TAFA4: variants seen among roughly 807,000 people sequenced by gnomAD.
TAFA4 encodes chemokine-like protein TAFA-4.
In TAFA4, 20 loss-of-function variants were observed where a neutral mutation model predicts 21.1. That is an observed-to-expected ratio of 0.95 (90% CI 0.67 to 1.38). The LOEUF is 1.38. TAFA4 is among the 40% of genes most tolerant of loss of function. The pLI is 0.00. For missense variants in TAFA4, 211 were observed against 180.9 expected (o/e 1.17, Z -0.95); for synonymous variants, 71 against 67.4 (o/e 1.05, Z -0.26).
intron 1 of TAFA4, among the ~76,000 whole-genome samples, chr3:68,919,400 G>A (rs923394628): frequency 6.6e-6 from 1 of 151,900 alleles, no homozygotes; most frequent in Non-Finnish European, 1.5e-5. Flanking sequence ...CAAGAGTCTC[G>A]AGCCCCTGAT....
intron 1 of TAFA4, among the ~76,000 whole-genome samples, chr3:68,898,859 A>C (rs901066935): frequency 1.3e-5 from 2 of 152,202 alleles, no homozygotes; most frequent in Non-Finnish European, 2.9e-5. Context: ...CAGGATTCCA[A>C]ACTAGGCTGG....
At chr3:68,854,531 G>A (rs1175613314) in intron 3 of TAFA4, among the ~76,000 whole-genome samples, 2 of 152,050 alleles carry the variant, frequency 1.3e-5, no homozygotes, top group East Asian at 3.9e-4. Flanking sequence ...GCTCCTTTCT[G>A]GGCAAGCACC....
At chr3:68,825,306 T>G (rs1704204194) in intron 3 of TAFA4, among the ~76,000 whole-genome samples, 1 of 152,242 alleles carries the variant, frequency 6.6e-6, no homozygotes, top group African/African-American at 2.4e-5. Flanking sequence ...GGACATGATC[T>G]CAGTCCTTTT....
At chr3:68,867,286 A>G (rs1188033158) in intron 3 of TAFA4, among the ~76,000 whole-genome samples, 2 of 152,096 alleles carry the variant, frequency 1.3e-5, no homozygotes, top group Non-Finnish European at 2.9e-5. Context: ...ACATATTCAA[A>G]CTGCTAAAGA....
intron 3 of TAFA4, among the ~76,000 whole-genome samples, chr3:68,845,634 C>A (rs1704770942): frequency 6.6e-6 from 1 of 152,126 alleles, no homozygotes; most frequent in South Asian, 2.1e-4. Flanking sequence ...TACAATTTGG[C>A]ATGTTTATGC....
intron 1 of TAFA4, among the ~76,000 whole-genome samples, chr3:68,905,919 G>C (rs1220308642): frequency 6.6e-6 from 1 of 152,150 alleles, no homozygotes; most frequent in East Asian, 1.9e-4. Flanking sequence ...TTGCTAAACT[G>C]CCATCCACGG....
chr3:68,775,180 C>G (rs1703026757), intron 3 of TAFA4, among the ~76,000 whole-genome samples: 1 of 152,142 alleles, frequency 6.6e-6, no homozygotes. Context: ...CTGGGAGCCT[C>G]TAACACAATA....
At chr3:68,869,630 A>T (rs2089460207) in intron 3 of TAFA4, among the ~76,000 whole-genome samples, 1 of 152,120 alleles carries the variant, frequency 6.6e-6, no homozygotes. Context: ...ATTTCCACAG[A>T]TGTTTTAAAA....
intron 3 of TAFA4, among the ~76,000 whole-genome samples, chr3:68,827,164 C>T (rs150300345): frequency 0.014 from 2,080 of 151,162 alleles, 18 homozygotes; most frequent in Non-Finnish European, 0.021. Context: ...TGATATTTTG[C>T]TGAGAATCAT....
At chr3:68,770,572 T>C (rs1407680354) in intron 3 of TAFA4, among the ~76,000 whole-genome samples, 1 of 152,032 alleles carries the variant, frequency 6.6e-6, no homozygotes, top group Non-Finnish European at 1.5e-5. Flanking sequence ...CCCCTAGAAA[T>C]ATACAAGGAA....
chr3:68,873,200 C>G (rs1376650566), intron 3 of TAFA4, among the ~76,000 whole-genome samples: 1 of 152,018 alleles, frequency 6.6e-6, no homozygotes, highest in East Asian at 1.9e-4. Context: ...AATTCCAGAT[C>G]AGTACAACAT....
intron 1 of TAFA4, among the ~76,000 whole-genome samples, chr3:68,892,778 G>A (rs555563686): frequency 9.2e-5 from 14 of 152,250 alleles, no homozygotes; most frequent in African/African-American, 2.6e-4. Flanking sequence ...GTCAAACCAC[G>A]CATTTCGTTA....
At chr3:68,931,733 C>A (rs2090160300) in intron 1 of TAFA4, among the ~76,000 whole-genome samples, 1 of 148,552 alleles carries the variant, frequency 6.7e-6, no homozygotes, top group Non-Finnish European at 1.5e-5. Flanking sequence ...CTCGCTGCGC[C>A]CTTCAAGCAA....
intron 4 of TAFA4, among the ~76,000 whole-genome samples, chr3:68,748,161 C>T (rs1354817400): frequency 6.6e-6 from 1 of 152,216 alleles, no homozygotes; most frequent in African/African-American, 2.4e-5. Context: ...ATCATGCTTC[C>T]ATCTGGCATC....
At chr3:68,805,930 A>T (rs1459332802) in intron 3 of TAFA4, among the ~76,000 whole-genome samples, 2 of 152,224 alleles carry the variant, frequency 1.3e-5, no homozygotes, top group Admixed American at 1.3e-4. Flanking sequence ...CATTGTGCAC[A>T]TGTACCCTAA....
intron 3 of TAFA4, among the ~76,000 whole-genome samples, chr3:68,767,151 A>T (rs1702869599): frequency 6.6e-6 from 1 of 152,154 alleles, no homozygotes; most frequent in African/African-American, 2.4e-5. Context: ...ATTTTAGTGC[A>T]CCTGTCACCC....
intron 3 of TAFA4, among the ~76,000 whole-genome samples, chr3:68,798,525 T>C (rs555096498): frequency 1.3e-5 from 2 of 152,336 alleles, no homozygotes; most frequent in South Asian, 4.1e-4. Context: ...TCCAGCTTCA[T>C]GCATGGCAGC....
chr3:68,810,902 C>G (rs568849014), intron 3 of TAFA4, among the ~76,000 whole-genome samples: 1 of 152,172 alleles, frequency 6.6e-6, no homozygotes, highest in Non-Finnish European at 1.5e-5. Flanking sequence ...CCCCGAGTAG[C>G]CTAACTGGGA....
chr3:68,771,193 G>A (rs1702950345), intron 3 of TAFA4, among the ~76,000 whole-genome samples: 1 of 152,160 alleles, frequency 6.6e-6, no homozygotes, highest in Non-Finnish European at 1.5e-5. Flanking sequence ...AAGCCCACGT[G>A]TGACCTGATT....
Sources: gnomAD v4.1 joint callset for allele counts (sites outside exome capture counted in the v4.1 genomes callset) on GRCh38, gnomAD v4.1.1 for gene constraint, MANE v1.5 for transcripts, NCBI Gene and HGNC (gene_info 2026-07-23, HGNC 2026-07-21) for gene names.